ZNF273: variants seen among roughly 807,000 people sequenced by gnomAD.
ZNF273 encodes the protein zinc finger protein 9.
A neutral mutation model predicts 14.9 loss-of-function variants in ZNF273; 11 were observed. The ratio of observed to expected loss-of-function variants is 0.74; its 90% confidence interval spans 0.46 to 1.22. The LOEUF (loss-of-function observed/expected upper bound fraction) is 1.22. Among genes scored for constraint, ZNF273 ranks in the 50% most tolerant of loss-of-function variants. ZNF273 has a pLI of 0.00. For missense variants in ZNF273, 577 were observed against 660.6 expected, an observed-to-expected ratio of 0.87 and a Z score of 1.39; for synonymous variants, 199 against 223.9, an observed-to-expected ratio of 0.89 and a Z score of 0.99.
intron 1 of ZNF273, among the ~76,000 whole-genome samples, chr7:64,886,895 C>T (rs568829232): frequency 1.2e-4 from 19 of 152,314 alleles, no homozygotes; most frequent in African/African-American, 3.8e-4. Context: ...AATGTTGCCT[C>T]CCAGAGATGA....
downstream of ZNF273, among the ~76,000 whole-genome samples, chr7:64,892,692 T>C (rs1792108203): frequency 6.6e-6 from 1 of 152,162 alleles, no homozygotes; most frequent in African/African-American, 2.4e-5. Flanking sequence ...GTGAAATGCA[T>C]GGGATTTTAT....
At chr7:64,915,943 C>T (rs1476511163) in intron 1 of ZNF273, among the ~76,000 whole-genome samples, 1 of 152,072 alleles carries the variant, frequency 6.6e-6, no homozygotes, top group Non-Finnish European at 1.5e-5. Flanking sequence ...TGCCTGTAAT[C>T]CCAGCACTTT....
chr7:64,911,149 C>A (rs1793483530), intron 1 of ZNF273, among the ~76,000 whole-genome samples: 1 of 152,078 alleles, frequency 6.6e-6, no homozygotes, highest in Non-Finnish European at 1.5e-5. Context: ...GCTTTCTCTG[C>A]AGCTATTGAG....
At chr7:64,911,280 C>CTT (rs58701857) in intron 1 of ZNF273, among the ~76,000 whole-genome samples, 38 of 128,418 alleles carry the variant, frequency 3.0e-4, no homozygotes, top group Middle Eastern at 3.8e-3. Flanking sequence ...GTGAACTAGC[C>CTT]TTTTTTTTTT....
intron 1 of ZNF273, among the ~76,000 whole-genome samples, chr7:64,910,902 A>G (rs1410848283): frequency 6.6e-6 from 1 of 151,690 alleles, no homozygotes; most frequent in Non-Finnish European, 1.5e-5. Flanking sequence ...AGTAGCTGGG[A>G]TTACAAGCAT....
chr7:64,921,637 T>TTTTTTTTTG lies in ZNF273; in HGVS notation c.325+3345_325+3346insTTTTTTTTG, dbSNP rs750737426. 1.3e-3 allele frequency among the ~76,000 whole-genome samples: 39 copies of TTTTTTTTTG among 29,574 alleles called. 3 individuals are homozygous for TTTTTTTTTG. The highest frequency in any genetic ancestry group is 5.8e-3 in the African/African-American group (37 of 6,414). 19.4% of individuals were successfully genotyped at this position (29,574 alleles called of 152,430 possible). Reference sequence around the variant, plus strand: ...TTTTTTTTTTTTTTTTTTTTTTTTTTGTGTGTGAGACAGAGTCTTGCTCTC... The same window carrying TTTTTTTTTG: ...TTTTTTTTTTTTTTTTTTTTTTTTTTTTTTTTTTGGTGTGTGAGACAGAGTCTTGCTCTC... On this transcript the variant is annotated intron_variant, in intron 3 of 3. Coordinates refer to ENST00000476120, the MANE Select transcript of ZNF273 (RefSeq NM_021148.3).
intron 1 of ZNF273, among the ~76,000 whole-genome samples, chr7:64,913,793 T>A (rs1447625601): frequency 6.6e-6 from 1 of 152,042 alleles, no homozygotes; most frequent in Admixed American, 6.6e-5. Context: ...TTACATAGAG[T>A]TGGGTCAAAA....
rs1794905371 is a variant in ZNF273, at chr7:64,928,965, G to A, written c.1637G>A (p.Arg546Lys). The A allele has an allele frequency of 6.2e-7, 1 of 1,604,616 alleles. No homozygotes were observed. Among genetic ancestry groups the A allele is most frequent in the African/African-American group, 1.3e-5 (1 of 74,492 alleles). ...GGAGAGAAACCATACAAACCTAAAA[G>A]ATGTGACAGTGCTTTTGACAACACC... Reference protein sequence around the residue: ...HTGEKPYKPKRCDSAFDNTPN... With the variant: ...HTGEKPYKPKKCDSAFDNTPN... Residue 546 changes from arginine (R) to lysine (K), a missense_variant, in exon 4 of 4, where the codon AGA (arginine) becomes AAA (lysine). By Grantham distance (26) the Arg-to-Lys change is conservative (BLOSUM62 2). Transcript: ENST00000476120.
chr7:64,889,018 A>G, downstream of ZNF273: 1 of 985,984 alleles, frequency 1.0e-6, no homozygotes, highest in Non-Finnish European at 1.2e-6. This position sits in a 1 kb window ranked among gnomAD's most constrained non-coding sequence, Gnocchi z 4.2. Context: ...AACCGCCTAC[A>G]AGGAACCGAG....
At chr7:64,924,268 G>C (rs1584008760) in intron 3 of ZNF273, 1 of 152,218 alleles carries the variant, frequency 6.6e-6, no homozygotes, top group Non-Finnish European at 1.5e-5. Flanking sequence ...GAAGAAAGTT[G>C]TATAAGCTAT....
At chr7:64,915,950 CT>C (rs1190417516) in intron 1 of ZNF273, among the ~76,000 whole-genome samples, 1 of 152,124 alleles carries the variant, frequency 6.6e-6, no homozygotes, top group East Asian at 1.9e-4. Flanking sequence ...AATCCCAGCA[CT>C]TTGGGAGGTT....
chr7:64,885,362 A>G (rs1327888320), intron 1 of ZNF273, among the ~76,000 whole-genome samples: 3 of 152,166 alleles, frequency 2.0e-5, no homozygotes, highest in Non-Finnish European at 4.4e-5. Context: ...GATCAGACAG[A>G]AAACAGAAAA....
Position 64,930,891 on chromosome 7 carries a change from A to G in ZNF273, c.*1853A>G, listed in dbSNP as rs1406596079. Reference sequence around the variant, plus strand: ...TTTGTATTTTATTTTAAAATGTACAACTAAATTGTTATGGACTACAGGGTT... The same window carrying G: ...TTTGTATTTTATTTTAAAATGTACAGCTAAATTGTTATGGACTACAGGGTT... On this transcript the variant is annotated 3_prime_UTR_variant, in exon 4 of 4. Coordinates refer to ENST00000476120, the MANE Select transcript of ZNF273 (RefSeq NM_021148.3). 1 of 152,132 alleles carries G rather than the reference A, an allele frequency of 6.6e-6. No individual in the cohort carries two copies. The highest frequency in any genetic ancestry group is 1.5e-5 in the Non-Finnish European group (1 of 67,972). The allele number at this position is 152,132 out of a possible 1,614,324, so 9.4% of individuals were successfully genotyped here.
chr7:64,936,087 A>G, the ZNF273 span, among the ~76,000 whole-genome samples: 361 of 152,332 alleles, frequency 2.4e-3, 3 homozygotes, highest in South Asian at 4.8e-3. Flanking sequence ...CCAAGGCAAT[A>G]CAAGAAGAAT....
chr7:64,918,098 TAC>T, intron 2 of ZNF273, 97 bp from the exon 3 acceptor site: 2 of 1,100,540 alleles, frequency 1.8e-6, no homozygotes, highest in Non-Finnish European at 2.5e-6. Flanking sequence ...GGGATTAATT[TAC>T]TAGAATACTT....
Position 64,930,705 on chromosome 7 carries a change from T to G in ZNF273, c.*1667T>G, listed in dbSNP as rs1354024428. On this transcript the variant is annotated 3_prime_UTR_variant, in exon 4 of 4. Transcript: ENST00000476120. ...ACTGCAGATAAGTTAAATATTCCCA[T>G]AGGTTTTACATTTATATTTTTTCTT... The G allele has an allele frequency of 6.6e-6, 1 of 152,152 alleles. No individual in the cohort carries two copies. Among genetic ancestry groups the G allele is most frequent in the African/African-American group, 2.4e-5 (1 of 41,456 alleles). The allele number at this position is 152,152 out of a possible 1,614,324, so 9.4% of individuals were successfully genotyped here. A position where few individuals can be genotyped will look rare whatever the true frequency, so the allele number is the denominator to read the frequency against.
At chr7:64,903,526 C>T (rs1027602465) in intron 1 of ZNF273, 107 bp downstream of exon 1, 25 of 1,160,310 alleles carry the variant, frequency 2.2e-5, no homozygotes, top group African/African-American at 3.1e-5. Context: ...ACTCCAAAAT[C>T]CGCGGCCAGG....
intron 1 of ZNF273, among the ~76,000 whole-genome samples, chr7:64,916,311 G>A (rs1449074146): frequency 9.3e-5 from 14 of 149,764 alleles, no homozygotes; most frequent in South Asian, 2.1e-4. Flanking sequence ...AGGTTGAGGC[G>A]GACAGGAGTT....
At chr7:64,883,221 C>T (rs906763189), downstream of ZNF273, among the ~76,000 whole-genome samples, 3 of 147,618 alleles carry the variant, frequency 2.0e-5, no homozygotes, top group Non-Finnish European at 4.5e-5. Flanking sequence ...ACCACCCCCC[C>T]CTCACCAAGC....
Sources: allele counts gnomAD v4.1 joint callset (sites outside exome capture counted in the v4.1 genomes callset), GRCh38; gene constraint gnomAD v4.1.1; non-coding constraint Gnocchi (gnomAD v3.1); transcripts MANE v1.5; gene names NCBI Gene and HGNC (gene_info 2026-07-23, HGNC 2026-07-21).